The following LRP8 variants were observed in gnomAD, a reference collection of about 807,000 sequenced individuals.
LRP8 encodes the protein low-density lipoprotein receptor-related protein 8.
Under a neutral mutation model 111.6 loss-of-function variants are expected in LRP8, and 46 were observed. That is an observed-to-expected ratio of 0.41 (90% CI 0.33 to 0.53). The LOEUF (loss-of-function observed/expected upper bound fraction) is 0.53, where lower values mean the gene tolerates loss of function less well. LRP8 is among the 20% of genes least tolerant of loss of function. The pLI is 0.20. For missense variants in LRP8, 959 were observed against 1,297.4 expected (o/e 0.74, Z 4.01); for synonymous variants, 464 against 511.2 (o/e 0.91, Z 1.24).
At chr1:53,300,273 T>C (rs1390317657) in intron 2 of LRP8, among the ~76,000 whole-genome samples, 2 of 152,170 alleles carry the variant, frequency 1.3e-5, no homozygotes, top group Non-Finnish European at 2.9e-5. Context: ...CAGAAGCCCT[T>C]CTTCCACCTC....
chr1:53,300,286 T>G (rs909705535), intron 2 of LRP8, among the ~76,000 whole-genome samples: 1 of 152,160 alleles, frequency 6.6e-6, no homozygotes, highest in African/African-American at 2.4e-5. Context: ...TCCACCTCCA[T>G]GGGCAAAACT....
At chr1:53,299,650 T>G (rs1650430653) in intron 2 of LRP8, among the ~76,000 whole-genome samples, 1 of 152,240 alleles carries the variant, frequency 6.6e-6, no homozygotes, top group Non-Finnish European at 1.5e-5. Flanking sequence ...GCAGAAGGTC[T>G]GCAGGTTAAA....
At chr1:53,306,311 T>C (rs1651951644) in intron 2 of LRP8, 1 of 152,284 alleles carries the variant, frequency 6.6e-6, no homozygotes, top group East Asian at 1.9e-4. Context: ...AAGCCTTGCT[T>C]CAGATCCTCC....
intron 18 of LRP8, 148 bp from the exon 19 acceptor site, chr1:53,247,204 A>G (rs1645753794): frequency 1.7e-6 from 1 of 601,248 alleles, no homozygotes; most frequent in Non-Finnish European, 2.7e-6. Context: ...TATCCTATTT[A>G]TTTTACAGAT....
chr1:53,304,360 C>G (rs1651556353), intron 2 of LRP8, among the ~76,000 whole-genome samples: 1 of 152,236 alleles, frequency 6.6e-6, no homozygotes, highest in South Asian at 2.1e-4. Context: ...CGCGCAGCCA[C>G]TGGACTGCTT....
intron 4 of LRP8, among the ~76,000 whole-genome samples, chr1:53,277,372 C>T (rs974844885): frequency 1.3e-5 from 2 of 152,196 alleles, no homozygotes; most frequent in Non-Finnish European, 2.9e-5. Flanking sequence ...CACTGCCTGT[C>T]TTGAAGGACC....
At position 53,271,059 on chromosome 1, in the gene LRP8, C is replaced by T. The variant is rs750847231; in HGVS notation, c.1221G>A (p.Met407Ile). ...CCTTGCAGTTCTTGGTCAGTAGGTC[C>T]ATCTCGTAGCCAGGGTAGCACTCAC... ...FKCECYPGYE[M>I]DLLTKNCKAA... Residue 407 changes from methionine (M) to isoleucine (I), a missense_variant, in exon 8 of 19, where the codon ATG becomes ATA. This residue lies in a region of LRP8 where 819 missense variants were observed against 1,097.6 expected (regional missense o/e 0.75). Coordinates refer to ENST00000306052, the MANE Select transcript of LRP8 (RefSeq NM_004631.5). The T allele has an allele frequency of 6.2e-7, 1 of 1,614,046 alleles. No individual in the cohort carries two copies. Among genetic ancestry groups the T allele is most frequent in the East Asian group, 2.2e-5 (1 of 44,874 alleles).
Position 53,277,053 on chromosome 1 carries a change from G to T in LRP8, c.522C>A (p.Cys174Ter). The change falls in exon 5 of 19, where the codon TGC becomes TGA. Residue 174 changes from cysteine to a stop codon, truncating the protein, a stop_gained. Transcript: ENST00000306052. LOFTEE classifies it high-confidence loss of function. ...ATLCAPHEFQ[C>*]GNRSCLAAVF... ...CGGCGGCCAGGCACGAGCGGTTGCC[G>T]CACTGGAACTCGTGCGGGGCGCACA... 6.6e-7 allele frequency: 1 copy of T among 1,522,928 alleles called. No individual in the cohort carries two copies. Among genetic ancestry groups the T allele is most frequent in the Non-Finnish European group, 8.8e-7 (1 of 1,140,502 alleles). The allele number at this position is 1,522,928 out of a possible 1,614,324, so 94.3% of individuals were successfully genotyped here. A position where few individuals can be genotyped will look rare whatever the true frequency, so the allele number is the denominator to read the frequency against.
chr1:53,272,779 G>A (rs576245136), intron 6 of LRP8: 170 of 637,374 alleles, frequency 2.7e-4, no homozygotes, highest in Non-Finnish European at 4.0e-4. Context: ...TCTTTCAGTC[G>A]CTCGGAGCCC....
rs1269489137 is a variant in LRP8 at position 53,279,452 on chromosome 1, C to T, written c.496+1135G>A. Reference sequence around the variant, plus strand: ...AAGAGGAAAGAGGATTCTCATTGGCCAGTGAGTCCCAGCAAAATTATCACA... The same window carrying T: ...AAGAGGAAAGAGGATTCTCATTGGCTAGTGAGTCCCAGCAAAATTATCACA... On this transcript the variant is annotated intron_variant, in intron 4 of 18. Coordinates refer to ENST00000306052, the MANE Select transcript of LRP8 (RefSeq NM_004631.5). The surrounding 1 kb of genome is among the most constrained non-coding windows in gnomAD (Gnocchi z 4.4). 2.0e-5 allele frequency among the ~76,000 whole-genome samples: 3 copies of T among 152,148 alleles called. No individual in the cohort carries two copies. Among genetic ancestry groups the T allele is most frequent in the African/African-American group, 7.2e-5 (3 of 41,416 alleles).
At chr1:53,289,796 AC>A (rs1297968576) in intron 2 of LRP8, 107 bp from the exon 3 acceptor site, 2 of 1,449,166 alleles carry the variant, frequency 1.4e-6, no homozygotes, top group East Asian at 2.4e-5. Flanking sequence ...TGCCTTGCTG[AC>A]CAAGGGCAGA....
intron 2 of LRP8, among the ~76,000 whole-genome samples, chr1:53,291,475 T>C (rs761133258): frequency 2.0e-5 from 3 of 152,106 alleles, no homozygotes; most frequent in Non-Finnish European, 2.9e-5. Context: ...TGGGTCCTCA[T>C]ATACTCCATG....
chr1:53,300,299 C>T (rs959327038), intron 2 of LRP8, among the ~76,000 whole-genome samples: 4 of 152,188 alleles, frequency 2.6e-5, no homozygotes, highest in Admixed American at 1.3e-4. Flanking sequence ...GCAAAACTCT[C>T]CCACCCCTGA....
chr1:53,283,238 C>T (rs1647174825), intron 3 of LRP8, among the ~76,000 whole-genome samples: 7 of 152,056 alleles, frequency 4.6e-5, no homozygotes, highest in Admixed American at 4.6e-4. Context: ...CAAGGAGGTG[C>T]AGTCTATGAG....
At chr1:53,304,290 G>T (rs1273193234) in intron 2 of LRP8, among the ~76,000 whole-genome samples, 1 of 152,182 alleles carries the variant, frequency 6.6e-6, no homozygotes, top group Non-Finnish European at 1.5e-5. Flanking sequence ...GGGAATGAGG[G>T]AAAATTCCCC....
chr1:53,265,769 A>G (rs1237995618), intron 9 of LRP8, among the ~76,000 whole-genome samples: 6 of 152,228 alleles, frequency 3.9e-5, no homozygotes, highest in Non-Finnish European at 7.3e-5. Context: ...GTGTCTACCC[A>G]GCGCCTGGTC....
intron 16 of LRP8, among the ~76,000 whole-genome samples, chr1:53,252,893 T>G (rs539235104): frequency 6.6e-6 from 1 of 152,186 alleles, no homozygotes; most frequent in Non-Finnish European, 1.5e-5. Flanking sequence ...TAACATATCA[T>G]GAAGTTGTGC....
chr1:53,263,102 C>G (rs765642566), intron 10 of LRP8, among the ~76,000 whole-genome samples: 1 of 152,174 alleles, frequency 6.6e-6, no homozygotes, highest in Non-Finnish European at 1.5e-5. Context: ...CTCCTGGGAC[C>G]CTGACGATCC....
chr1:53,316,156 C>T (rs775792452), intron 2 of LRP8, among the ~76,000 whole-genome samples: 11 of 152,202 alleles, frequency 7.2e-5, no homozygotes, highest in Non-Finnish European at 1.3e-4. Flanking sequence ...TTGTTCAGAG[C>T]GGGAGTCTGG....
Sources: allele counts gnomAD v4.1 joint callset (sites outside exome capture counted in the v4.1 genomes callset), GRCh38; gene constraint gnomAD v4.1.1; regional missense constraint gnomAD v4.1.1; non-coding constraint Gnocchi (gnomAD v3.1); transcripts MANE v1.5; gene names NCBI Gene and HGNC (gene_info 2026-07-23, HGNC 2026-07-21).